Variants in CSMD1 observed in about 807,000 individuals in gnomAD.
CSMD1 encodes the protein CUB and Sushi multiple domains 1, also known as CUB and sushi domain-containing protein 1.
CSMD1 carries 213 observed loss-of-function variants against 417.5 expected under a neutral mutation model. That is an observed-to-expected ratio of 0.51 (90% CI 0.46 to 0.57). CSMD1 has a LOEUF of 0.57. CSMD1 is among the 20% of genes least tolerant of loss of function. The probability of loss-of-function intolerance (pLI) is 0.00; values close to 1 mark genes in which losing one functional copy is unlikely to be tolerated. For missense variants in CSMD1, 6,923 were observed against 4,529.7 expected (o/e 1.53, Z -15.17); for synonymous variants, 2,862 against 1,736.8 (o/e 1.65, Z -16.11).
intron 6 of CSMD1, among the ~76,000 whole-genome samples, chr8:3,718,472 C>A (rs1206391376): frequency 6.6e-6 from 1 of 152,104 alleles, no homozygotes; most frequent in Non-Finnish European, 1.5e-5. Flanking sequence ...TCTTTTGCAC[C>A]AGGAAAGACA....
intron 5 of CSMD1, among the ~76,000 whole-genome samples, chr8:3,819,688 G>A (rs759427567): frequency 6.6e-6 from 1 of 152,106 alleles, no homozygotes; most frequent in Non-Finnish European, 1.5e-5. Context: ...GGGGTCTTAG[G>A]TGATCCTCCA....
At chr8:4,627,386 A>G (rs922922977) in intron 2 of CSMD1, among the ~76,000 whole-genome samples, 4 of 152,192 alleles carry the variant, frequency 2.6e-5, no homozygotes, top group Non-Finnish European at 5.9e-5. Flanking sequence ...GCATATTAAT[A>G]TGGATGGTTT....
intron 10 of CSMD1, among the ~76,000 whole-genome samples, chr8:3,522,693 C>T (rs1028280634): frequency 2.0e-5 from 3 of 151,908 alleles, no homozygotes; most frequent in African/African-American, 7.3e-5. Context: ...ATCAGTCGTC[C>T]CGGTACATTC....
intron 36 of CSMD1, among the ~76,000 whole-genome samples, chr8:3,187,543 G>C (rs764304617): frequency 6.6e-5 from 10 of 152,072 alleles, no homozygotes; most frequent in Non-Finnish European, 1.5e-4. Flanking sequence ...TTTAAGAGTT[G>C]AGAACCGTTT....
chr8:3,582,734 G>A (rs973589361), intron 9 of CSMD1, among the ~76,000 whole-genome samples: 7 of 152,122 alleles, frequency 4.6e-5, no homozygotes, highest in Admixed American at 3.9e-4. Context: ...TATCATATTT[G>A]TATTAACTAT....
At chr8:3,287,569 G>A (rs1764583342) in intron 25 of CSMD1, among the ~76,000 whole-genome samples, 1 of 152,104 alleles carries the variant, frequency 6.6e-6, no homozygotes, top group Admixed American at 6.6e-5. Context: ...AAGCAATTGT[G>A]AATGGGAGTT....
At chr8:3,026,635 G>C (rs938408574) in intron 51 of CSMD1, among the ~76,000 whole-genome samples, 3 of 152,170 alleles carry the variant, frequency 2.0e-5, no homozygotes, top group Admixed American at 2.0e-4. Flanking sequence ...CTCCAGCCCT[G>C]TCAACACCGT....
intron 2 of CSMD1, among the ~76,000 whole-genome samples, chr8:4,518,783 TA>T (rs1404065270): frequency 1.3e-5 from 2 of 151,620 alleles, no homozygotes; most frequent in Non-Finnish European, 2.9e-5. Context: ...AAATAAAATT[TA>T]AAAAAAGAGG....
chr8:4,813,995 AATTG>A (rs1486946161), intron 1 of CSMD1, among the ~76,000 whole-genome samples: 1 of 152,230 alleles, frequency 6.6e-6, no homozygotes, highest in African/African-American at 2.4e-5. Context: ...ATTGTTGCAT[AATTG>A]ATTAACACCC....
At position 4,329,668 on chromosome 8, in the gene CSMD1, C is replaced by G. The variant is rs370334488; in HGVS notation, c.415+90285G>C. ...ATATCGTTTGGATCTGTATCCCCAC[C>G]CAAATCTCATGTTGAGATGTGATAC... On this transcript the variant is annotated intron_variant, in intron 3 of 69. Transcript: ENST00000635120. Among the ~76,000 whole-genome samples, 15 of 152,030 alleles carry G rather than the reference C, an allele frequency of 9.9e-5. No homozygotes were observed. In the East Asian group the frequency reaches 1.2e-3, roughly 12 times the overall value.
At chr8:4,842,349 T>G (rs1437904334) in intron 1 of CSMD1, among the ~76,000 whole-genome samples, 1 of 152,240 alleles carries the variant, frequency 6.6e-6, no homozygotes, top group African/African-American at 2.4e-5. Context: ...AATATCTGAC[T>G]TTGGCTTAAA....
At chr8:3,507,425 T>C (rs1390142724) in intron 10 of CSMD1, among the ~76,000 whole-genome samples, 1 of 152,202 alleles carries the variant, frequency 6.6e-6, no homozygotes, top group Admixed American at 6.5e-5. Context: ...TTGGGTTGGT[T>C]CCAAGTCTTT....
At chr8:3,308,566 G>T in intron 23 of CSMD1, 63 bp from the exon 24 acceptor site, 1 of 1,345,542 alleles carries the variant, frequency 7.4e-7, no homozygotes, top group Non-Finnish European at 1.0e-6. Flanking sequence ...TTAAAACAGA[G>T]ATGAAACAAA....
At chr8:3,492,961 T>C (rs191602881) in intron 11 of CSMD1, among the ~76,000 whole-genome samples, 1 of 152,072 alleles carries the variant, frequency 6.6e-6, no homozygotes, top group Non-Finnish European at 1.5e-5. Context: ...AAAACCCTGA[T>C]AATATAACAT....
intron 50 of CSMD1, among the ~76,000 whole-genome samples, chr8:3,035,446 T>C (rs1384338744): frequency 6.6e-6 from 1 of 152,130 alleles, no homozygotes; most frequent in Non-Finnish European, 1.5e-5. Flanking sequence ...TTTCCATCTG[T>C]GGGTCTCACA....
intron 3 of CSMD1, among the ~76,000 whole-genome samples, chr8:4,184,511 C>A (rs1434864678): frequency 6.6e-6 from 1 of 152,094 alleles, no homozygotes; most frequent in African/African-American, 2.4e-5. Context: ...CATGTATACA[C>A]CATGGAATAC....
intron 1 of CSMD1, among the ~76,000 whole-genome samples, chr8:4,677,600 T>C (rs1157578695): frequency 6.6e-6 from 1 of 152,198 alleles, no homozygotes; most frequent in African/African-American, 2.4e-5. Flanking sequence ...TTTTTCTTTA[T>C]AGCATTTATC....
rs1025507802 is a variant in CSMD1, at chr8:3,982,432, GAATT to G, written c.818+15467_818+15470del. On this transcript the variant is annotated intron_variant, in intron 5 of 69. Coordinates refer to ENST00000635120, the MANE Select transcript of CSMD1 (RefSeq NM_033225.6). ...TATATGGAAAGCACAATAAGACATG[GAATT>G]AATAGAAAGATCTTAACTCACATGA... is the stretch of plus-strand genomic sequence containing the variant. 1.5e-3 allele frequency among the ~76,000 whole-genome samples: 228 copies of G among 151,802 alleles called. 1 individual carries two copies. Among genetic ancestry groups the G allele is most frequent in the African/African-American group, 5.3e-3 (219 of 41,420 alleles).
intron 3 of CSMD1, among the ~76,000 whole-genome samples, chr8:4,172,046 T>A (rs111385999): frequency 0.017 from 2,523 of 152,224 alleles, 78 homozygotes; most frequent in African/African-American, 0.055. Flanking sequence ...GGAAACACAA[T>A]GCACGATGCT....
Sources: allele counts gnomAD v4.1 joint callset (sites outside exome capture counted in the v4.1 genomes callset), GRCh38; gene constraint gnomAD v4.1.1; transcripts MANE v1.5; gene names NCBI Gene and HGNC (gene_info 2026-07-23, HGNC 2026-07-21).